Variants in TMCO5A observed in about 807,000 individuals in gnomAD.
The protein encoded by TMCO5A is transmembrane and coiled-coil domain-containing protein 5A.
A neutral mutation model predicts 42.3 loss-of-function variants in TMCO5A; 34 were observed. That is an observed-to-expected ratio of 0.80 (90% CI 0.61 to 1.07). The LOEUF is 1.07. Ranked by LOEUF, TMCO5A falls within the 50% of genes least tolerant of loss-of-function variation. The pLI is 0.00. For synonymous variants in TMCO5A, 131 were observed against 115.6 expected (o/e 1.13, Z -0.86); for missense variants, 357 against 327.9 (o/e 1.09, Z -0.69).
At chr15:37,943,481 A>T in intron 10 of TMCO5A, 83 bp downstream of exon 10, 1 of 1,355,180 alleles carries the variant, frequency 7.4e-7, no homozygotes. Context: ...GGCACCAAAT[A>T]TATACCCAAT....
At chr15:38,004,083 T>C in the TMCO5A span, among the ~76,000 whole-genome samples, 1 of 152,132 alleles carries the variant, frequency 6.6e-6, no homozygotes. Context: ...TTGCTACTGC[T>C]GATTATTCAG....
At position 37,938,207 on chromosome 15, in the gene TMCO5A, A is replaced by T. The variant is rs1340719119; in HGVS notation, c.365A>T (p.Asp122Val). ...ACCAATTGTGAACAAAGCAGTCCAG[A>T]TGGAGCCCTAGAAGAGACAAAGGTA... ...KITNCEQSSP[D>V]GALEETKVKL... The change falls in exon 6 of 12, where the codon GAT becomes GTT. Residue 122 changes from aspartate to valine, a missense_variant. Physicochemically the swap from Asp to Val is radical, Grantham distance 152 (BLOSUM62 -3). Transcript: ENST00000319669. 6.3e-7 allele frequency: 1 copy of T among 1,580,116 alleles called. No individual in the cohort carries two copies. The highest frequency in any genetic ancestry group is 1.2e-5 in the South Asian group (1 of 86,430).
At chr15:38,003,931 T>G in the TMCO5A span, among the ~76,000 whole-genome samples, 1 of 151,982 alleles carries the variant, frequency 6.6e-6, no homozygotes, top group Non-Finnish European at 1.5e-5. Flanking sequence ...CAAAACCAAG[T>G]CCCCTTACTC....
intron 6 of TMCO5A, among the ~76,000 whole-genome samples, chr15:37,938,447 G>A (rs540806575): frequency 2.2e-4 from 34 of 152,182 alleles, no homozygotes; most frequent in African/African-American, 7.7e-4. Context: ...GTTAGGAAGA[G>A]CAGGGCACAA....
chr15:37,965,249 T>C (rs1233147313), intron 11 of TMCO5A, among the ~76,000 whole-genome samples: 1 of 152,110 alleles, frequency 6.6e-6, no homozygotes, highest in Non-Finnish European at 1.5e-5. Flanking sequence ...TCTCACCATA[T>C]ACAAAAATCA....
chr15:37,940,361 A>T (rs529418511), intron 6 of TMCO5A, among the ~76,000 whole-genome samples: 11 of 152,138 alleles, frequency 7.2e-5, no homozygotes, highest in Non-Finnish European at 1.5e-4. Context: ...TATAAGCCAA[A>T]TCTGTGATAA....
exon 12 of TMCO5A, chr15:37,967,321 G>A (rs900483586): frequency 1.3e-5 from 2 of 152,066 alleles, no homozygotes; most frequent in African/African-American, 4.8e-5. Context: ...AAGGTTTTAG[G>A]TCTAAAAGTG....
At chr15:37,997,903 G>T in the TMCO5A span, among the ~76,000 whole-genome samples, 1 of 152,094 alleles carries the variant, frequency 6.6e-6, no homozygotes, top group Non-Finnish European at 1.5e-5. Context: ...TAACTGGGGT[G>T]AGATTATATT....
chr15:37,972,471 G>A (rs1305924437), downstream of TMCO5A, among the ~76,000 whole-genome samples: 1 of 152,118 alleles, frequency 6.6e-6, no homozygotes, highest in Non-Finnish European at 1.5e-5. Flanking sequence ...TTTAATAATA[G>A]CCATTCTGAG....
chr15:38,010,734 T>C, the TMCO5A span, among the ~76,000 whole-genome samples: 3 of 152,104 alleles, frequency 2.0e-5, no homozygotes, highest in African/African-American at 7.2e-5. Context: ...AACGATACTC[T>C]TTATTTATTT....
the TMCO5A span, among the ~76,000 whole-genome samples, chr15:38,036,502 A>T: frequency 1.8e-4 from 23 of 129,286 alleles, no homozygotes; most frequent in African/African-American, 7.6e-4. Flanking sequence ...TCTCTCACAC[A>T]CACACACACA....
the TMCO5A span, among the ~76,000 whole-genome samples, chr15:38,031,900 C>G: frequency 6.6e-6 from 1 of 152,134 alleles, no homozygotes; most frequent in East Asian, 1.9e-4. Context: ...GCCAGGCCCC[C>G]TCTGGCCTGG....
At chr15:38,038,675 G>C in the TMCO5A span, among the ~76,000 whole-genome samples, 1 of 152,060 alleles carries the variant, frequency 6.6e-6, no homozygotes, top group Non-Finnish European at 1.5e-5. Flanking sequence ...CAAAGTGCTG[G>C]GATTACAGGC....
chr15:37,934,859 G>T (rs1889458531), intron 1 of TMCO5A, among the ~76,000 whole-genome samples, 165 bp downstream of exon 1: 1 of 152,090 alleles, frequency 6.6e-6, no homozygotes, highest in Non-Finnish European at 1.5e-5. Context: ...TACTTTTCAG[G>T]GATATTGTAA....
chr15:37,964,956 A>G, intron 11 of TMCO5A, among the ~76,000 whole-genome samples: 1 of 152,160 alleles, frequency 6.6e-6, no homozygotes, highest in East Asian at 1.9e-4. Context: ...GAATAGCCAA[A>G]ACTATCCTAA....
the TMCO5A span, among the ~76,000 whole-genome samples, chr15:38,005,530 TCA>T: frequency 6.6e-6 from 1 of 151,410 alleles, no homozygotes; most frequent in Non-Finnish European, 1.5e-5. Flanking sequence ...TGAGCTATGA[TCA>T]CACCATTGTA....
intron 9 of TMCO5A, chr15:37,943,075 A>G (rs1462637915): frequency 6.1e-6 from 2 of 328,288 alleles, no homozygotes; most frequent in Non-Finnish European, 1.1e-5. Context: ...TGTTAAGCCA[A>G]GATTCTAGAA....
At chr15:37,966,733 A>T (rs1026340645) in exon 12 of TMCO5A, 1 of 702,348 alleles carries the variant, frequency 1.4e-6, no homozygotes, top group African/African-American at 1.7e-5. Flanking sequence ...GTTCAGCAGT[A>T]AAGTCCAGAA....
Position 37,940,628 on chromosome 15 carries a change from A to G in TMCO5A, c.388-521A>G, listed in dbSNP as rs147920137. Among the ~76,000 whole-genome samples the G allele has an allele frequency of 1.7e-3, 258 of 152,214 alleles. 5 individuals carry two copies. Among genetic ancestry groups the G allele is most frequent in the African/African-American group, 5.8e-3 (242 of 41,552 alleles). ...CTCCCTACCAGAATGCCAGCTCTGC[A>G]AGGGTGGAAAGCTGGTCCATCCTGT... On this transcript the variant is annotated intron_variant, in intron 6 of 11. Transcript: ENST00000319669.
Sources: gnomAD v4.1 joint callset for allele counts (sites outside exome capture counted in the v4.1 genomes callset) on GRCh38, gnomAD v4.1.1 for gene constraint, MANE v1.5 for transcripts, NCBI Gene and HGNC (gene_info 2026-07-23, HGNC 2026-07-21) for gene names.